Variants in LARGE1 observed in about 807,000 individuals in gnomAD.
LARGE1 encodes xylosyl- and glucuronyltransferase LARGE1.
LARGE1 carries 43 observed loss-of-function variants against 87.6 expected under a neutral mutation model. The observed-to-expected ratio is 0.49, with a 90% CI of 0.38 to 0.63. The LOEUF is 0.63. Among genes scored for constraint, LARGE1 ranks in the 30% least tolerant of loss-of-function variants. The pLI is 0.00. For synonymous variants in LARGE1, 434 were observed against 394.6 expected, an observed-to-expected ratio of 1.10 and a Z score of -1.18; for missense variants, 802 against 1,000.2, an observed-to-expected ratio of 0.80 and a Z score of 2.67.
upstream of LARGE1, among the ~76,000 whole-genome samples, chr22:33,921,736 G>T (rs535222711): frequency 6.6e-6 from 1 of 152,068 alleles, no homozygotes; most frequent in Non-Finnish European, 1.5e-5. The surrounding 1 kb of genome is among the most constrained non-coding windows in gnomAD (Gnocchi z 4.1). Flanking sequence ...TTCCCTCTTG[G>T]CATAAGAACC....
At chr22:33,400,411 T>TCTGA (rs2065893181) in intron 7 of LARGE1, among the ~76,000 whole-genome samples, 1 of 151,858 alleles carries the variant, frequency 6.6e-6, no homozygotes, top group Non-Finnish European at 1.5e-5. Flanking sequence ...GATGGGAGGG[T>TCTGA]CTGACACCCC....
At chr22:33,592,468 T>C (rs1474194048) in intron 5 of LARGE1, among the ~76,000 whole-genome samples, 1 of 152,140 alleles carries the variant, frequency 6.6e-6, no homozygotes, top group African/African-American at 2.4e-5. Context: ...TCCAGGATAA[T>C]CAAAGTAAAG....
In LARGE1 at chr22:33,274,655, C is replaced by T. The variant is rs774103923; in HGVS notation, c.2074-31G>A. 10 of 1,598,538 alleles carry T rather than the reference C, an allele frequency of 6.3e-6. No homozygotes were observed. Among genetic ancestry groups the T allele is most frequent in the South Asian group, 1.1e-5 (1 of 90,756 alleles). On this transcript the variant is annotated intron_variant, in intron 14 of 14. Coordinates refer to ENST00000397394, the MANE Select transcript of LARGE1 (RefSeq NM_133642.5). ...AGAAGACAAGAGCAGCGTGAGAACC[C>T]GCAAGAGCCGAGGGTCATGCATGAT...
At chr22:33,681,299 G>T (rs2081763045) in intron 2 of LARGE1, among the ~76,000 whole-genome samples, 2 of 152,158 alleles carry the variant, frequency 1.3e-5, no homozygotes, top group Non-Finnish European at 1.5e-5. Flanking sequence ...TATTTGTGTA[G>T]AAAGTTATTA....
intron 11 of LARGE1, among the ~76,000 whole-genome samples, chr22:33,222,308 G>T (rs555700711): frequency 6.6e-6 from 1 of 152,306 alleles, no homozygotes; most frequent in Admixed American, 6.5e-5. Flanking sequence ...GGTCTAGAAG[G>T]GAGGGTTACC....
chr22:33,610,371 G>A (rs533128963), intron 4 of LARGE1, among the ~76,000 whole-genome samples: 3 of 152,256 alleles, frequency 2.0e-5, no homozygotes, highest in African/African-American at 7.2e-5. Context: ...GGAACTTATT[G>A]GGAACTTGAT....
intron 2 of LARGE1, among the ~76,000 whole-genome samples, chr22:33,662,664 A>C (rs915811207): frequency 1.3e-5 from 2 of 152,202 alleles, no homozygotes; most frequent in African/African-American, 4.8e-5. Flanking sequence ...TGTACTTGTT[A>C]AAGTTAGCAG....
At chr22:33,173,033 G>A (rs1402476511) in intron 11 of LARGE1, among the ~76,000 whole-genome samples, 1 of 152,082 alleles carries the variant, frequency 6.6e-6, no homozygotes, top group African/African-American at 2.4e-5. Context: ...TCCTCGAGAA[G>A]AGCAACCCCA....
intron 6 of LARGE1, among the ~76,000 whole-genome samples, chr22:33,466,763 G>T (rs1453232578): frequency 6.6e-6 from 1 of 150,868 alleles, no homozygotes; most frequent in African/African-American, 2.4e-5. Context: ...TTATCACCAG[G>T]CATGGTGGCT....
At chr22:33,234,289 A>G (rs1926146555) in intron 11 of LARGE1, among the ~76,000 whole-genome samples, 3 of 152,186 alleles carry the variant, frequency 2.0e-5, no homozygotes, top group Admixed American at 1.3e-4. Context: ...GCCCACTTAC[A>G]TTTCATTGGC....
intron 1 of LARGE1, among the ~76,000 whole-genome samples, chr22:33,787,689 G>C (rs2085693208): frequency 6.6e-6 from 1 of 152,156 alleles, no homozygotes; most frequent in Non-Finnish European, 1.5e-5. Context: ...AGAACTTAGT[G>C]AGAAAGTTAC....
rs529188425 is a variant in LARGE1, at chr22:33,231,594, T to G, written c.1731-64762A>C. Among the ~76,000 whole-genome samples the G allele has an allele frequency of 6.2e-4, 95 of 152,324 alleles. 1 individual carries two copies. Among genetic ancestry groups the G allele is most frequent in the African/African-American group, 2.2e-3 (93 of 41,574 alleles). ...TATTCAATTTATATGTTATTGCAGG[T>G]GAAGAGAAGGCATTTAAATGAAGAT... On this transcript the variant is annotated intron_variant, in intron 11 of 11. Coordinates refer to the LARGE1 transcript ENST00000608642.
intron 11 of LARGE1, among the ~76,000 whole-genome samples, chr22:33,314,162 G>C (rs1004394227): frequency 6.6e-6 from 1 of 152,084 alleles, no homozygotes; most frequent in Non-Finnish European, 1.5e-5. Context: ...CCTGGTGCTA[G>C]AGCCTCCATG....
chr22:33,768,603 C>T (rs993894923), intron 1 of LARGE1, among the ~76,000 whole-genome samples: 1 of 152,126 alleles, frequency 6.6e-6, no homozygotes, highest in South Asian at 2.1e-4. Context: ...CTTCTCAACA[C>T]CAACAGGAGT....
chr22:33,535,509 C>G (rs1244104721), intron 6 of LARGE1, among the ~76,000 whole-genome samples: 2 of 151,280 alleles, frequency 1.3e-5, no homozygotes, highest in African/African-American at 4.9e-5. Context: ...CACTACTGTA[C>G]TCCAACCTGG....
chr22:33,586,687 G>A (rs1434384175), intron 5 of LARGE1, among the ~76,000 whole-genome samples: 1 of 152,020 alleles, frequency 6.6e-6, no homozygotes, highest in Admixed American at 6.6e-5. Flanking sequence ...TCGATCTCCT[G>A]ACCTCATGAT....
chr22:33,640,131 G>A (rs1373992842), intron 3 of LARGE1, among the ~76,000 whole-genome samples: 2 of 152,162 alleles, frequency 1.3e-5, no homozygotes, highest in Non-Finnish European at 2.9e-5. Flanking sequence ...ACCAAAAAGC[G>A]CTGTGATGAA....
chr22:33,608,601 G>C (rs902650196), intron 4 of LARGE1, among the ~76,000 whole-genome samples: 20 of 152,134 alleles, frequency 1.3e-4, no homozygotes, highest in African/African-American at 4.8e-4. Context: ...ATCCAGCAAA[G>C]AACCTGGTGA....
chr22:33,848,744 T>C (rs976445585), intron 1 of LARGE1, among the ~76,000 whole-genome samples: 2 of 152,156 alleles, frequency 1.3e-5, no homozygotes, highest in African/African-American at 4.8e-5. Context: ...GACAAGACCC[T>C]TTAATGGATC....
Sources: allele counts gnomAD v4.1 joint callset (sites outside exome capture counted in the v4.1 genomes callset), GRCh38; gene constraint gnomAD v4.1.1; non-coding constraint Gnocchi (gnomAD v3.1); transcripts MANE v1.5; gene names NCBI Gene and HGNC (gene_info 2026-07-23, HGNC 2026-07-21).